ZNG1B: variants seen among roughly 807,000 people sequenced by gnomAD.
The protein encoded by ZNG1B is Zn regulated GTPase metalloprotein activator 1B, also known as zinc-regulated GTPase metalloprotein activator 1B.
chr2:113,441,332 CA>C, the ZNG1B span: 64 of 1,383,570 alleles, frequency 4.6e-5, no homozygotes, highest in Non-Finnish European at 6.0e-5. Context: ...TTTTTATTTA[CA>C]AAAAATATGT....
chr2:113,493,278 G>T, the ZNG1B span, among the ~76,000 whole-genome samples: 1 of 134,268 alleles, frequency 7.4e-6, no homozygotes, highest in Non-Finnish European at 1.6e-5. Context: ...CTGGCCCTGG[G>T]TAGCTTATTT....
the ZNG1B span, among the ~76,000 whole-genome samples, chr2:113,452,137 T>C: frequency 2.0e-5 from 3 of 152,246 alleles, no homozygotes; most frequent in Non-Finnish European, 2.9e-5. Context: ...TCAGCCCCTG[T>C]TACTCACAAA....
At chr2:113,441,748 TTA>T in the ZNG1B span, 4 of 196,354 alleles carry the variant, frequency 2.0e-5, no homozygotes, top group East Asian at 4.9e-4. Context: ...TTATTTTATT[TTA>T]TTTTTTTTGA....
the ZNG1B span, chr2:113,444,106 T>G: frequency 2.2e-6 from 1 of 454,432 alleles, no homozygotes; most frequent in Non-Finnish European, 4.0e-6. Context: ...CAGGGCTTAT[T>G]TAATCTCTAG....
At chr2:113,437,922 T>G in the ZNG1B span, 14 of 1,611,760 alleles carry the variant, frequency 8.7e-6, no homozygotes, top group East Asian at 4.5e-5. Flanking sequence ...CGGAGGAGGA[T>G]TGTCCTGAAT....
At chr2:113,441,471 A>G in the ZNG1B span, 1 of 1,608,894 alleles carries the variant, frequency 6.2e-7, no homozygotes, top group African/African-American at 1.3e-5. Flanking sequence ...ATGTTGCAAG[A>G]TTTTGTGTGA....
chr2:113,444,953 G>A, the ZNG1B span: 1 of 1,609,418 alleles, frequency 6.2e-7, no homozygotes, highest in Non-Finnish European at 8.5e-7. Flanking sequence ...TGATGTTTTG[G>A]TATTCTCCAG....
At chr2:113,494,899 T>C in the ZNG1B span, 2 of 872,744 alleles carry the variant, frequency 2.3e-6, no homozygotes, top group Non-Finnish European at 2.9e-6. Context: ...AAGGGGATTG[T>C]TCAAAAAAAA....
chr2:113,454,807 C>G, the ZNG1B span: 2 of 1,562,980 alleles, frequency 1.3e-6, no homozygotes, highest in Non-Finnish European at 1.8e-6. Flanking sequence ...ATGAGTGGCT[C>G]ATTATTGAGA....
the ZNG1B span, chr2:113,493,694 T>A: frequency 8.9e-7 from 1 of 1,127,724 alleles, no homozygotes; most frequent in South Asian, 1.5e-5. Context: ...CATCTTAAAA[T>A]TTGTGATTTA....
chr2:113,492,017 G>A, the ZNG1B span, among the ~76,000 whole-genome samples: 3,133 of 131,728 alleles, frequency 0.024, 429 homozygotes, highest in African/African-American at 0.081. Context: ...TGGTGAACAC[G>A]GAACACTTCT....
chr2:113,444,808 G>A, the ZNG1B span, among the ~76,000 whole-genome samples: 31 of 151,984 alleles, frequency 2.0e-4, no homozygotes, highest in African/African-American at 7.2e-4. Flanking sequence ...GTAAATATGG[G>A]ACGGACATTT....
At chr2:113,492,289 A>G in the ZNG1B span, among the ~76,000 whole-genome samples, 1 of 139,466 alleles carries the variant, frequency 7.2e-6, no homozygotes, top group Non-Finnish European at 1.6e-5. Flanking sequence ...ATATATATAC[A>G]TACAATGGAA....
the ZNG1B span, chr2:113,453,086 T>C: frequency 1.1e-5 from 17 of 1,534,864 alleles, no homozygotes; most frequent in East Asian, 3.6e-4. Flanking sequence ...GATAGAATCA[T>C]GTTTCTCAGT....
chr2:113,481,144 A>G, the ZNG1B span, among the ~76,000 whole-genome samples: 1 of 143,872 alleles, frequency 7.0e-6, no homozygotes, highest in Admixed American at 7.0e-5. Flanking sequence ...GTCCAACAAC[A>G]TTAAATACTG....
chr2:113,488,223 G>C, the ZNG1B span, among the ~76,000 whole-genome samples: 1 of 152,166 alleles, frequency 6.6e-6, no homozygotes, highest in African/African-American at 2.4e-5. Flanking sequence ...TACCAGCCTG[G>C]AGCCTGGTAG....
At chr2:113,470,549 C>T in the ZNG1B span, 62 of 173,576 alleles carry the variant, frequency 3.6e-4, no homozygotes, top group East Asian at 9.2e-3. Context: ...AATCAAATCA[C>T]GTGAAGATCA....
At chr2:113,450,005 G>A in the ZNG1B span, among the ~76,000 whole-genome samples, 4 of 149,702 alleles carry the variant, frequency 2.7e-5, no homozygotes, top group Non-Finnish European at 5.9e-5. Flanking sequence ...TTATTATTTT[G>A]GGACATCTAG....
chr2:113,455,805 C>T, the ZNG1B span, among the ~76,000 whole-genome samples: 1 of 129,254 alleles, frequency 7.7e-6, no homozygotes, highest in African/African-American at 2.9e-5. Flanking sequence ...ACTGCAACCT[C>T]CACCTCCCAG....
Sources: gnomAD v4.1 joint callset for allele counts (sites outside exome capture counted in the v4.1 genomes callset) on GRCh38, gnomAD v4.1.1 for gene constraint, MANE v1.5 for transcripts, NCBI Gene and HGNC (gene_info 2026-07-23, HGNC 2026-07-21) for gene names.